Variants in DSCAM observed in about 807,000 individuals in gnomAD.
The protein encoded by DSCAM is DS cell adhesion molecule.
Under a neutral mutation model 217.7 loss-of-function variants are expected in DSCAM, and 47 were observed. The observed-to-expected ratio is 0.22, with a 90% CI of 0.17 to 0.28. The LOEUF (loss-of-function observed/expected upper bound fraction) is 0.28, where lower values mean the gene tolerates loss of function less well. Among genes scored for constraint, DSCAM ranks in the 10% least tolerant of loss-of-function variants. The probability of loss-of-function intolerance (pLI) is 1.00; values close to 1 mark genes in which losing one functional copy is unlikely to be tolerated. For missense variants in DSCAM, 2,080 were observed against 2,618.3 expected (o/e 0.79, Z 4.49); for synonymous variants, 1,056 against 1,015.3 (o/e 1.04, Z -0.76).
intron 2 of DSCAM, among the ~76,000 whole-genome samples, chr21:40,704,432 T>TATAC (rs2090690658): frequency 1.3e-5 from 2 of 152,340 alleles, no homozygotes; most frequent in East Asian, 3.9e-4. Context: ...AGAAAAATTG[T>TATAC]AGCTGGGCCC....
At chr21:40,145,139 G>A (rs927750989) in intron 16 of DSCAM, among the ~76,000 whole-genome samples, 3 of 152,176 alleles carry the variant, frequency 2.0e-5, no homozygotes, top group East Asian at 1.9e-4. Context: ...CTCCAGGTAC[G>A]CTTACGACCG....
chr21:40,751,166 C>A (rs528411796), intron 1 of DSCAM, among the ~76,000 whole-genome samples: 9 of 152,124 alleles, frequency 5.9e-5, no homozygotes, highest in African/African-American at 2.2e-4. Context: ...CCGCTGACAT[C>A]CCCAGGACTC....
chr21:40,028,326 C>G (rs1299471366), intron 32 of DSCAM, among the ~76,000 whole-genome samples: 24 of 71,572 alleles, frequency 3.4e-4, no homozygotes, highest in Admixed American at 7.0e-4. Context: ...TTTGTCTGTG[C>G]AGCCTACAGA....
chr21:40,571,109 A>C (rs964587831), intron 3 of DSCAM, among the ~76,000 whole-genome samples: 36 of 152,272 alleles, frequency 2.4e-4, no homozygotes, highest in African/African-American at 8.7e-4. Context: ...AATTGAAAAG[A>C]AATCTTAAAA....
At chr21:40,179,169 GT>G in intron 14 of DSCAM, 75 bp from the exon 15 acceptor site, 1 of 201,418 alleles carries the variant, frequency 5.0e-6, no homozygotes, top group Non-Finnish European at 9.1e-6. Flanking sequence ...AAGTTCACAA[GT>G]AGGAATTAAA....
At position 40,756,102 on chromosome 21, in the gene DSCAM, A is replaced by T. The variant is rs372888975; in HGVS notation, c.44-47331T>A. Reference sequence around the variant, plus strand: ...TGAAGGTGGGGTCTGGTGGGAGGTGACTGAATCATGGGGGTGGATTTCTCA... The same window carrying T: ...TGAAGGTGGGGTCTGGTGGGAGGTGTCTGAATCATGGGGGTGGATTTCTCA... On this transcript the variant is annotated intron_variant, in intron 1 of 32. Transcript: ENST00000400454. Among the ~76,000 whole-genome samples, 20 of 152,316 alleles carry T rather than the reference A, an allele frequency of 1.3e-4. No homozygotes were observed. The South Asian group carries it at 3.9e-3, about 30-fold the overall frequency.
rs1229477291 is a variant in DSCAM at position 40,306,332 on chromosome 21, A to G, written c.2062+5749T>C. 5.3e-5 allele frequency among the ~76,000 whole-genome samples: 8 copies of G among 150,610 alleles called. No individual in the cohort carries two copies. In the South Asian group the frequency reaches 6.3e-4, roughly 12 times the overall value. On this transcript the variant is annotated intron_variant, in intron 9 of 32. Coordinates refer to ENST00000400454, the MANE Select transcript of DSCAM (RefSeq NM_001389.5). The stretch of plus-strand genomic sequence containing the variant: ...TGCTGAAGTTGCTTATCAGCTTAAG[A>G]AGATTTTGGGCTGAGACGATGGGGT...
intron 30 of DSCAM, among the ~76,000 whole-genome samples, chr21:40,044,594 A>C (rs1375936461): frequency 1.3e-5 from 2 of 152,222 alleles, no homozygotes; most frequent in African/African-American, 4.8e-5. Context: ...AAATGGAATG[A>C]GGGGAGACTG....
intron 9 of DSCAM, among the ~76,000 whole-genome samples, chr21:40,305,685 T>A (rs997570484): frequency 1.3e-5 from 2 of 151,206 alleles, no homozygotes; most frequent in Non-Finnish European, 2.9e-5. Flanking sequence ...CCAGCACCAT[T>A]TATTAAATAG....
intron 3 of DSCAM, among the ~76,000 whole-genome samples, chr21:40,418,249 G>A (rs1454114604): frequency 6.6e-6 from 1 of 152,138 alleles, no homozygotes; most frequent in Non-Finnish European, 1.5e-5. Flanking sequence ...GTCTGGGTGG[G>A]AAGACAGGAA....
chr21:40,404,550 C>T (rs1421684707), intron 3 of DSCAM, among the ~76,000 whole-genome samples: 1 of 152,202 alleles, frequency 6.6e-6, no homozygotes. Context: ...ATTTTCCAGG[C>T]TCCTCCTGTG....
intron 3 of DSCAM, among the ~76,000 whole-genome samples, chr21:40,532,667 T>C (rs1234570451): frequency 6.6e-6 from 1 of 152,078 alleles, no homozygotes; most frequent in Admixed American, 6.5e-5. Flanking sequence ...GCTGCTGATA[T>C]AAGATGGCCA....
chr21:40,097,996 A>C (rs1343937631), intron 20 of DSCAM, among the ~76,000 whole-genome samples: 1 of 142,272 alleles, frequency 7.0e-6, no homozygotes. Flanking sequence ...GAAAGAAAGA[A>C]AGAAAGAAAG....
chr21:40,309,748 A>G (rs1375717467), intron 9 of DSCAM, among the ~76,000 whole-genome samples: 2 of 152,226 alleles, frequency 1.3e-5, no homozygotes, highest in Non-Finnish European at 2.9e-5. Flanking sequence ...CCGCCAAAAT[A>G]GATTGTGAAT....
intron 3 of DSCAM, among the ~76,000 whole-genome samples, chr21:40,501,674 C>T (rs1339120143): frequency 2.6e-5 from 4 of 152,234 alleles, no homozygotes; most frequent in African/African-American, 9.6e-5. Context: ...TCACAGCAAC[C>T]TCCGCCTCCC....
At chr21:40,166,234 T>G (rs1050093408) in intron 16 of DSCAM, among the ~76,000 whole-genome samples, 10 of 152,036 alleles carry the variant, frequency 6.6e-5, no homozygotes, top group Non-Finnish European at 1.5e-4. Flanking sequence ...AAGACCTTAT[T>G]GTAGTTGTTG....
intron 4 of DSCAM, among the ~76,000 whole-genome samples, chr21:40,357,724 G>C (rs146673812): frequency 6.6e-6 from 1 of 152,008 alleles, no homozygotes; most frequent in Non-Finnish European, 1.5e-5. Flanking sequence ...GGTGCGGGGA[G>C]GGGGGAGAGA....
chr21:40,415,744 G>A (rs543196840), intron 3 of DSCAM, among the ~76,000 whole-genome samples: 2 of 152,248 alleles, frequency 1.3e-5, no homozygotes, highest in South Asian at 4.1e-4. Flanking sequence ...TCCCCAGGGG[G>A]CCGGTGGGAC....
chr21:40,554,671 A>T, intron 3 of DSCAM, among the ~76,000 whole-genome samples: 1 of 152,196 alleles, frequency 6.6e-6, no homozygotes, highest in East Asian at 1.9e-4. Context: ...GCACTAAATT[A>T]TTTTTTAAAA....
Sources: gnomAD v4.1 joint callset for allele counts (sites outside exome capture counted in the v4.1 genomes callset) on GRCh38, gnomAD v4.1.1 for gene constraint, MANE v1.5 for transcripts, NCBI Gene and HGNC (gene_info 2026-07-23, HGNC 2026-07-21) for gene names.